Variants in PDE11A observed in about 807,000 individuals in gnomAD.
PDE11A encodes dual 3',5'-cyclic-AMP and -GMP phosphodiesterase 11A.
Under a neutral mutation model 100.5 loss-of-function variants are expected in PDE11A, and 100 were observed. The ratio of observed to expected loss-of-function variants is 1.00; its 90% CI spans 0.85 to 1.18. PDE11A has a LOEUF of 1.18. PDE11A is among the 50% of genes most tolerant of loss of function. The pLI is 0.00. For synonymous variants in PDE11A, 381 were observed against 420.8 expected (o/e 0.91, Z 1.16); for missense variants, 1,141 against 1,152.6 (o/e 0.99, Z 0.15).
intron 10 of PDE11A, among the ~76,000 whole-genome samples, chr2:177,753,820 G>A (rs1186207847): frequency 6.6e-6 from 1 of 151,316 alleles, no homozygotes; most frequent in Non-Finnish European, 1.5e-5. Flanking sequence ...TGACACTGCA[G>A]ATGAAAACTA....
chr2:177,807,198 A>G (rs1454064804), intron 9 of PDE11A, among the ~76,000 whole-genome samples: 8 of 152,168 alleles, frequency 5.3e-5, no homozygotes, highest in African/African-American at 1.7e-4. Context: ...ATTTAGGGGA[A>G]CAACAAAAAT....
intron 10 of PDE11A, among the ~76,000 whole-genome samples, chr2:177,761,701 C>A (rs540226316): frequency 5.7e-4 from 87 of 152,064 alleles, no homozygotes; most frequent in African/African-American, 2.0e-3. Context: ...AGATTGTTAG[C>A]GATTTATATA....
chr2:177,967,639 G>C (rs2085715682), intron 2 of PDE11A, among the ~76,000 whole-genome samples: 1 of 151,922 alleles, frequency 6.6e-6, no homozygotes, highest in African/African-American at 2.4e-5. Context: ...ACAGTAGTAA[G>C]TACTGAATAA....
intron 9 of PDE11A, among the ~76,000 whole-genome samples, chr2:177,799,266 A>G (rs2082750765): frequency 6.6e-6 from 1 of 152,186 alleles, no homozygotes; most frequent in African/African-American, 2.4e-5. Flanking sequence ...ATCCTGGTAC[A>G]AAAAGGGGAT....
rs2080254340 is a variant in PDE11A at position 177,648,297 on chromosome 2, C to T, written c.2646+15569G>A. Among the ~76,000 whole-genome samples, 2 of 151,538 alleles carry T rather than the reference C, an allele frequency of 1.3e-5. 1 individual carries two copies. Among genetic ancestry groups the T allele is most frequent in the African/African-American group, 4.8e-5 (2 of 41,378 alleles). On this transcript the variant is annotated intron_variant, in intron 19 of 19. Transcript: ENST00000286063. ...TGTTATTGTGGCTCTTCTTTAACTA[C>T]ATTGCTAACTCCCCAAAAGCCAAAG... is the stretch of plus-strand genomic sequence containing the variant.
intron 18 of PDE11A, among the ~76,000 whole-genome samples, chr2:177,664,591 G>A (rs6755382): frequency 0.81 from 123,898 of 152,102 alleles, 51,162 homozygotes; most frequent in East Asian, 0.98. Flanking sequence ...TATATTTTTG[G>A]GAAAAATAAA....
At chr2:177,812,355 T>A in intron 9 of PDE11A, among the ~76,000 whole-genome samples, 1 of 152,056 alleles carries the variant, frequency 6.6e-6, no homozygotes, top group Non-Finnish European at 1.5e-5. Context: ...AAATCGACAC[T>A]TTAAATCTTC....
intron 19 of PDE11A, among the ~76,000 whole-genome samples, chr2:177,649,019 A>G (rs1346523912): frequency 6.6e-6 from 1 of 152,198 alleles, no homozygotes; most frequent in African/African-American, 2.4e-5. Context: ...TATACTAAAA[A>G]TATGATCATA....
chr2:178,032,333 C>G (rs1386504358), intron 1 of PDE11A, among the ~76,000 whole-genome samples: 1 of 151,884 alleles, frequency 6.6e-6, no homozygotes, highest in Non-Finnish European at 1.5e-5. Flanking sequence ...AAATTAAGAG[C>G]TTGGGCTGGG....
chr2:177,761,352 G>T (rs1033925247), intron 10 of PDE11A, among the ~76,000 whole-genome samples: 1 of 152,160 alleles, frequency 6.6e-6, no homozygotes, highest in African/African-American at 2.4e-5. Flanking sequence ...CATCGTCATA[G>T]GTCCCTGCTT....
intron 5 of PDE11A, among the ~76,000 whole-genome samples, chr2:177,845,815 G>C (rs1048065981): frequency 6.6e-6 from 1 of 152,226 alleles, no homozygotes; most frequent in Admixed American, 6.5e-5. Context: ...GATCACTTGC[G>C]GTTAGGGGCT....
At chr2:177,762,305 T>C (rs2082181448) in intron 10 of PDE11A, among the ~76,000 whole-genome samples, 1 of 152,202 alleles carries the variant, frequency 6.6e-6, no homozygotes, top group African/African-American at 2.4e-5. Context: ...TTGTGATGGC[T>C]AACCCAAGCC....
At chr2:178,011,401 C>T (rs184112995) in intron 2 of PDE11A, among the ~76,000 whole-genome samples, 28 of 152,168 alleles carry the variant, frequency 1.8e-4, no homozygotes, top group South Asian at 1.0e-3. Context: ...GGTCATTGTC[C>T]ATTTGTATAC....
At chr2:178,104,674 A>T (rs142019252) in intron 1 of PDE11A, among the ~76,000 whole-genome samples, 1 of 152,250 alleles carries the variant, frequency 6.6e-6, no homozygotes, top group African/African-American at 2.4e-5. Context: ...AATTTCATAA[A>T]GACAATCATC....
At chr2:178,054,327 C>A (rs1259586632) in intron 1 of PDE11A, among the ~76,000 whole-genome samples, 4 of 152,188 alleles carry the variant, frequency 2.6e-5, no homozygotes, top group African/African-American at 4.8e-5. Flanking sequence ...CCCTTCCTTA[C>A]ACCTTACACA....
intron 15 of PDE11A, among the ~76,000 whole-genome samples, chr2:177,695,358 A>C (rs2081096300): frequency 6.6e-6 from 1 of 152,110 alleles, no homozygotes; most frequent in Admixed American, 6.5e-5. Context: ...GCTATTCTGA[A>C]ATATACAAAA....
intron 2 of PDE11A, among the ~76,000 whole-genome samples, chr2:178,084,745 G>C (rs1210892287): frequency 6.8e-6 from 1 of 147,312 alleles, no homozygotes; most frequent in Non-Finnish European, 1.5e-5. Flanking sequence ...GTTTATGGTA[G>C]ACAGCTTTTT....
chr2:177,752,202 A>G (rs962769206), intron 10 of PDE11A, among the ~76,000 whole-genome samples: 2 of 152,204 alleles, frequency 1.3e-5, no homozygotes, highest in Admixed American at 1.3e-4. Context: ...TTTTATACGC[A>G]TATTCTCTTC....
chr2:177,638,218 C>T (rs1216942748), intron 19 of PDE11A, among the ~76,000 whole-genome samples: 1 of 151,880 alleles, frequency 6.6e-6, no homozygotes, highest in Non-Finnish European at 1.5e-5. Context: ...CCAGGATGGT[C>T]TCGATCTCCT....
Sources: gnomAD v4.1 joint callset for allele counts (sites outside exome capture counted in the v4.1 genomes callset) on GRCh38, gnomAD v4.1.1 for gene constraint, MANE v1.5 for transcripts, NCBI Gene and HGNC (gene_info 2026-07-23, HGNC 2026-07-21) for gene names.